DKC1: variants seen among roughly 807,000 people sequenced by gnomAD.
DKC1 encodes dyskerin pseudouridine synthase 1, also known as H/ACA ribonucleoprotein complex subunit DKC1.
In DKC1, 4 loss-of-function variants were observed where a neutral mutation model predicts 46.7. That is an observed-to-expected ratio of 0.09 (90% CI 0.04 to 0.20). DKC1 has a LOEUF of 0.20. Ranked by LOEUF, DKC1 falls within the 10% of genes least tolerant of loss-of-function variation. The probability of loss-of-function intolerance (pLI) is 1.00; values close to 1 mark genes in which losing one functional copy is unlikely to be tolerated. For missense variants in DKC1, 171 were observed against 404.2 expected, an observed-to-expected ratio of 0.42 and a Z score of 4.95; for synonymous variants, 141 against 142.4, an observed-to-expected ratio of 0.99 and a Z score of 0.07.
chrX:154,766,343 T>G lies in DKC1; in HGVS notation c.391T>G (p.Cys131Gly). The change falls in exon 5 of 15, where the codon TGT becomes GGT. Residue 131 changes from cysteine to glycine, a missense_variant. Coordinates refer to ENST00000369550, the MANE Select transcript of DKC1 (RefSeq NM_001363.5). ...TACGCTGGATCCCAAGGTGACTGGT[T>G]GTTTAATCGTGTGCATAGAACGAGC... ...SGTLDPKVTG[C>G]LIVCIERATR... is the part of the protein sequence containing the mutation. 8.3e-7 allele frequency: 1 copy of G among 1,211,203 alleles called. No homozygotes were observed. The highest frequency in any genetic ancestry group is 1.1e-6 in the Non-Finnish European group (1 of 895,287).
chrX:154,775,084 A>G, intron 12 of DKC1, 111 bp from the exon 13 acceptor site: 1 of 739,690 alleles, frequency 1.4e-6, no homozygotes. Context: ...TCTTCTGTCC[A>G]GCGTCAGTAT....
At position 154,770,773 on chromosome X, in the gene DKC1, C is replaced by T; in HGVS notation, c.930C>T (p.Cys310=). Residue 310 remains cysteine, a synonymous_variant, in exon 10 of 15, where the codon TGC becomes TGT. Transcript: ENST00000369550. ...VMKDSAVNAI[C]YGAKIMLPGV... ...CATCTCTGCAGGTAAATGCCATCTG[C>T]TATGGGGCCAAGATTATGCTTCCAG... 1 of 1,211,467 alleles carries T rather than the reference C, an allele frequency of 8.3e-7. No homozygotes were observed. The highest frequency in any genetic ancestry group is 1.1e-6 in the Non-Finnish European group (1 of 895,223).
At chrX:154,770,586 A>G (rs938525850) in intron 9 of DKC1, among the ~76,000 whole-genome samples, 173 bp from the exon 10 acceptor site, 1 of 110,254 alleles carries the variant, frequency 9.1e-6, no homozygotes, top group Non-Finnish European at 1.9e-5. Context: ...CCTATAGCAC[A>G]GTGAGGTGGC....
intron 7 of DKC1, chrX:154,767,952 A>C (rs964201388): frequency 4.6e-5 from 11 of 239,505 alleles, no homozygotes; most frequent in Admixed American, 1.3e-4. Flanking sequence ...CCGGGTTCAC[A>C]CCATTTTCCT....
intron 9 of DKC1, among the ~76,000 whole-genome samples, 195 bp downstream of exon 9, chrX:154,769,505 A>C (rs1374020311): frequency 8.9e-6 from 1 of 112,000 alleles, no homozygotes. Context: ...GCTGATGCCT[A>C]TAATCCTAGC....
chrX:154,763,253 C>T (rs890393409), intron 1 of DKC1, among the ~76,000 whole-genome samples: 1 of 112,561 alleles, frequency 8.9e-6, no homozygotes, highest in African/African-American at 3.2e-5. Context: ...ATCTGCCGTG[C>T]TGCCCACCCC....
At chrX:154,764,853 A>G in intron 1 of DKC1, 46 bp from the exon 2 acceptor site, 6 of 1,040,402 alleles carry the variant, frequency 5.8e-6, no homozygotes, top group Non-Finnish European at 8.1e-6. Flanking sequence ...CCCTTGTTTC[A>G]TTTATTCTTG....
Position 154,775,596 on chromosome X carries a change from G to A in DKC1, c.1338+323G>A, listed in dbSNP as rs781807976. Among the ~76,000 whole-genome samples the A allele has an allele frequency of 7.0e-4, 79 of 112,205 alleles. No individual in the cohort carries two copies. The South Asian group carries it at 7.7e-3, about 11-fold the overall frequency. ...GGTGTGTGTGTCAATTCTGGCCCCC[G>A]CCCTGGGTCAAATGGTAGGACAGAT... is the stretch of plus-strand genomic sequence containing the variant. On this transcript the variant is annotated intron_variant, in intron 13 of 14. Transcript: ENST00000369550.
At chrX:154,770,283 A>G (rs781835527) in intron 9 of DKC1, among the ~76,000 whole-genome samples, 1 of 109,676 alleles carries the variant, frequency 9.1e-6, no homozygotes, top group African/African-American at 3.3e-5. Flanking sequence ...AGCCTGGGCA[A>G]TATGGTGAAA....
Position 154,774,156 on chromosome X carries a change from G to C in DKC1, c.1156-446G>C, listed in dbSNP as rs1189173272. 2.7e-5 allele frequency among the ~76,000 whole-genome samples: 3 copies of C among 112,267 alleles called. No individual in the cohort carries two copies. The East Asian group carries it at 8.4e-4, about 31-fold the overall frequency. Reference sequence around the variant, plus strand: ...GCATTACTCACGTAATCACACAGTGGAATGGCGAATTTCATGCACGTTAGT... The same window carrying C: ...GCATTACTCACGTAATCACACAGTGCAATGGCGAATTTCATGCACGTTAGT... On this transcript the variant is annotated intron_variant, in intron 11 of 14. Transcript: ENST00000369550.
At chrX:154,775,475 T>C (rs1321728211) in intron 13 of DKC1, among the ~76,000 whole-genome samples, 1 of 112,204 alleles carries the variant, frequency 8.9e-6, no homozygotes, top group Non-Finnish European at 1.9e-5. Context: ...GTATTCTCTG[T>C]CCTATCTGCT....
chrX:154,775,228 G>A lies in DKC1; in HGVS notation c.1293G>A (p.Val431=), dbSNP rs138065506. 114 of 1,210,751 alleles carry A rather than the reference G, an allele frequency of 9.4e-5. No homozygotes were observed. The African/African-American group carries it at 1.9e-3, about 20-fold the overall frequency. Residue 431 remains valine, a synonymous_variant, in exon 13 of 15, where the codon GTG becomes GTA. Coordinates refer to ENST00000369550, the MANE Select transcript of DKC1 (RefSeq NM_001363.5). ...CCAAAAAAGAGGTGGTTGCTGAAGT[G>A]GTAAAAGCCCCGCAGGTAGTTGCCG... The part of the protein sequence containing the change: ...ESAKKEVVAE[V]VKAPQVVAEA...
In DKC1 at chrX:154,776,904, T is replaced by G. The variant is rs1204017384; in HGVS notation, c.*37T>G. On this transcript the variant is annotated 3_prime_UTR_variant, in exon 15 of 15. Transcript: ENST00000369550. ...TGAAGCTGGAGGAGAAACTAAAGCC[T>G]TATTGAGAAAACATGTTATAGATCC... The G allele has an allele frequency of 5.2e-5, 57 of 1,086,464 alleles. 1 individual carries two copies. The Middle Eastern group carries it at 1.2e-3, about 24-fold the overall frequency. The allele number at this position is 1,086,464 out of a possible 1,213,427, so 89.5% of individuals were successfully genotyped here. A position where few individuals can be genotyped will look rare whatever the true frequency, so the allele number is the denominator to read the frequency against.
intron 7 of DKC1, 41 bp from the exon 8 acceptor site, chrX:154,768,261 T>G (rs2071775606): frequency 8.3e-7 from 1 of 1,207,526 alleles, no homozygotes; most frequent in African/African-American, 1.8e-5. Context: ...GTGATGTATT[T>G]ACAGTAGGTG....
chrX:154,775,863 G>C (rs1238026706), intron 13 of DKC1, among the ~76,000 whole-genome samples: 1 of 112,096 alleles, frequency 8.9e-6, no homozygotes, highest in Non-Finnish European at 1.9e-5. Context: ...TGACTTGTCA[G>C]ATGTGAATTC....
In DKC1 at chrX:154,776,174, G is replaced by A; in HGVS notation, c.1339-13G>A. ...CCCAAGATCTAACACTTAACCAATT[G>A]CTTTCATCTCAGCGGAAGCGAGAGA... On this transcript the variant is annotated splice_polypyrimidine_tract_variant and intron_variant, in intron 13 of 14. Transcript: ENST00000369550. 8.3e-7 allele frequency: 1 copy of A among 1,211,494 alleles called. No individual in the cohort carries two copies. Among genetic ancestry groups the A allele is most frequent in the Non-Finnish European group, 1.1e-6 (1 of 895,156 alleles).
chrX:154,766,428 G>A, intron 5 of DKC1, 28 bp downstream of exon 5: 2 of 1,170,485 alleles, frequency 1.7e-6, no homozygotes, highest in Non-Finnish European at 2.3e-6. Flanking sequence ...GGAAGGACTG[G>A]CTAGAGTGAA....
chrX:154,774,551 C>T (rs782629876), intron 11 of DKC1, 51 bp from the exon 12 acceptor site: 27 of 1,089,316 alleles, frequency 2.5e-5, no homozygotes, highest in South Asian at 5.6e-5. Flanking sequence ...TCACCATGCC[C>T]GCTTCCAGCA....
Position 154,776,973 on chromosome X carries a change from A to G in DKC1, c.*106A>G. 1 of 690,946 alleles carries G rather than the reference A, an allele frequency of 1.4e-6. No individual in the cohort carries two copies. Among genetic ancestry groups the G allele is most frequent in the Non-Finnish European group, 2.2e-6 (1 of 455,790 alleles). The allele number at this position is 690,946 out of a possible 1,213,427, so 56.9% of individuals were successfully genotyped here. ...GGAACATAGGTCCTAGACAGGGTGA[A>G]GAGTTCTGGCACATTTTAGCTGCTA... On this transcript the variant is annotated 3_prime_UTR_variant, in exon 15 of 15. Transcript: ENST00000369550.
Sources: gnomAD v4.1 joint callset for allele counts (sites outside exome capture counted in the v4.1 genomes callset) on GRCh38, gnomAD v4.1.1 for gene constraint, MANE v1.5 for transcripts, NCBI Gene and HGNC (gene_info 2026-07-23, HGNC 2026-07-21) for gene names.